Variants in AGL observed in about 807,000 individuals in gnomAD.
AGL encodes glycogen debranching enzyme.
A neutral mutation model predicts 199.3 loss-of-function variants in AGL; 128 were observed. The ratio of observed to expected loss-of-function variants is 0.64; its 90% CI spans 0.56 to 0.74. The LOEUF (loss-of-function observed/expected upper bound fraction) is 0.74. AGL is among the 30% of genes least tolerant of loss of function. The pLI, the probability that AGL is intolerant of heterozygous loss-of-function variation, is 0.00. For missense variants in AGL, 1,809 were observed against 1,820.8 expected (o/e 0.99, Z 0.12); for synonymous variants, 584 against 594.7 (o/e 0.98, Z 0.26).
At chr1:99,885,366 A>G (rs1479178903) in intron 20 of AGL, among the ~76,000 whole-genome samples, 1 of 152,182 alleles carries the variant, frequency 6.6e-6, no homozygotes, top group Non-Finnish European at 1.5e-5. Flanking sequence ...AAAACACTTA[A>G]TACAATGCCT....
intron 5 of AGL, 145 bp downstream of exon 5, chr1:99,864,734 CCTT>C (rs775752564): frequency 2.3e-5 from 16 of 707,264 alleles, no homozygotes; most frequent in Non-Finnish European, 3.5e-5. Context: ...GATTAGGTGT[CCTT>C]CTGTTTAAAA....
chr1:99,852,622 C>T (rs956197476), intron 2 of AGL: 10 of 749,590 alleles, frequency 1.3e-5, no homozygotes, highest in South Asian at 2.8e-5. Context: ...GCAACCCTCC[C>T]TCTTTGGCCT....
intron 25 of AGL, among the ~76,000 whole-genome samples, chr1:99,896,682 T>C (rs1480468808): frequency 6.6e-6 from 1 of 152,238 alleles, no homozygotes; most frequent in Non-Finnish European, 1.5e-5. Context: ...ATGCCTTCCA[T>C]AGTGAAGGCA....
intron 2 of AGL, among the ~76,000 whole-genome samples, chr1:99,856,994 C>G (rs989573542): frequency 1.3e-5 from 2 of 152,206 alleles, no homozygotes; most frequent in African/African-American, 4.8e-5. Flanking sequence ...CAGAGGGGCT[C>G]CTCACTTCCC....
chr1:99,916,734 A>G lies in AGL; in HGVS notation c.4481+3A>G. 1.2e-6 allele frequency: 2 copies of G among 1,612,922 alleles called. No individual in the cohort carries two copies. Among genetic ancestry groups the G allele is most frequent in the Non-Finnish European group, 1.7e-6 (2 of 1,179,156 alleles). On this transcript the variant is annotated splice_donor_region_variant and intron_variant, in intron 33 of 33. Coordinates refer to ENST00000361915, the MANE Select transcript of AGL (RefSeq NM_000642.3). Reference sequence around the variant, plus strand: ...CGACATTATGTTCATCTTGAGAGGTAAGTCATCAGGAGCATGTAATTTCCA... The same window carrying G: ...CGACATTATGTTCATCTTGAGAGGTGAGTCATCAGGAGCATGTAATTTCCA...
At chr1:99,884,009 A>C in intron 17 of AGL, 111 bp from the exon 18 acceptor site, 1 of 888,742 alleles carries the variant, frequency 1.1e-6, no homozygotes, top group Non-Finnish European at 1.8e-6. Flanking sequence ...AAAAAAAGTA[A>C]CTGATAATTT....
rs911820739 is a variant in AGL, at chr1:99,891,447, C to A, written c.2949+91C>A. 4 of 1,536,962 alleles carry A rather than the reference C, an allele frequency of 2.6e-6. No individual in the cohort carries two copies. The Admixed American group carries it at 5.1e-5, about 20-fold the overall frequency. On this transcript the variant is annotated intron_variant, in intron 22 of 33. Transcript: ENST00000361915. ...TATAATATTTACATTGTTTTCTAAC[C>A]TGAACCATTTTCCTCCTTCCTTCAT...
At chr1:99,859,704 C>G (rs757600541) in intron 2 of AGL, among the ~76,000 whole-genome samples, 18 of 151,998 alleles carry the variant, frequency 1.2e-4, no homozygotes, top group Non-Finnish European at 2.4e-4. Flanking sequence ...ACCACCACAC[C>G]CAGCTATTTT....
At chr1:99,914,481 A>G (rs3766599) in intron 30 of AGL, among the ~76,000 whole-genome samples, 59,507 of 152,156 alleles carry the variant, frequency 0.39, 12,420 homozygotes, top group East Asian at 0.56. Flanking sequence ...GTGTTCTTCT[A>G]TGCCTGGCTA....
At chr1:99,851,845 A>C (rs1648975083) in intron 2 of AGL, among the ~76,000 whole-genome samples, 1 of 152,236 alleles carries the variant, frequency 6.6e-6, no homozygotes, top group Non-Finnish European at 1.5e-5. Context: ...GCTAGTCATA[A>C]ACATTTCAAA....
chr1:99,887,915 T>G, intron 20 of AGL, 63 bp from the exon 21 acceptor site: 4 of 1,580,946 alleles, frequency 2.5e-6, no homozygotes, highest in Non-Finnish European at 3.5e-6. Context: ...ATTTTCTTCT[T>G]TTGTTTCTAT....
intron 20 of AGL, among the ~76,000 whole-genome samples, chr1:99,886,294 A>AG (rs1370129060): frequency 3.3e-5 from 5 of 152,070 alleles, no homozygotes; most frequent in Admixed American, 3.3e-4. Flanking sequence ...TGGGCAACAT[A>AG]GTGAGACCCT....
At chr1:99,914,679 G>A (rs1276780834) in intron 30 of AGL, among the ~76,000 whole-genome samples, 1 of 152,150 alleles carries the variant, frequency 6.6e-6, no homozygotes, top group East Asian at 1.9e-4. Flanking sequence ...TGCTATTGGA[G>A]TAAAAGTTCT....
chr1:99,862,253 T>G lies in AGL; in HGVS notation c.294-4T>G. 1 of 1,614,028 alleles carries G rather than the reference T, an allele frequency of 6.2e-7. No individual in the cohort carries two copies. Among genetic ancestry groups the G allele is most frequent in the South Asian group, 1.1e-5 (1 of 91,076 alleles). The stretch of plus-strand genomic sequence containing the variant: ...AAAAGTTTTTGTTTTGTTTTTTCCC[T>G]TAGAAATGAGAAAAGTGGTGGAGGT... On this transcript the variant is annotated splice_region_variant and splice_polypyrimidine_tract_variant and intron_variant, in intron 3 of 33. Transcript: ENST00000361915.
intron 17 of AGL, 89 bp downstream of exon 17, chr1:99,881,780 A>G: frequency 1.7e-6 from 2 of 1,177,746 alleles, no homozygotes; most frequent in Admixed American, 4.6e-5. Context: ...TCATGTATAT[A>G]TCATATATAT....
intron 27 of AGL, 97 bp downstream of exon 27, chr1:99,902,891 C>G (rs1007953742): frequency 3.4e-6 from 3 of 892,604 alleles, no homozygotes; most frequent in Non-Finnish European, 5.4e-6. Context: ...CCAAACCTCA[C>G]GATATAATGA....
upstream of AGL, among the ~76,000 whole-genome samples, chr1:99,849,567 C>T (rs775906632): frequency 2.0e-5 from 3 of 152,104 alleles, no homozygotes; most frequent in Non-Finnish European, 4.4e-5. Flanking sequence ...TGTTTGCACT[C>T]TCGATGGTTT....
At chr1:99,916,753 A>AT in intron 33 of AGL, 22 bp downstream of exon 33, 1 of 1,609,904 alleles carries the variant, frequency 6.2e-7, no homozygotes, top group Non-Finnish European at 8.5e-7. Flanking sequence ...GGAGCATGTA[A>AT]TTTCCATAAC....
At position 99,912,402 on chromosome 1, in the gene AGL, T is replaced by G; in HGVS notation, c.3837-3T>G. ...AGAATAAAAATACGTTTTTTAATTTTAGAGATGGGTCTGCTGTGGAAATTG... is the reference window on the plus strand; with the variant it reads ...AGAATAAAAATACGTTTTTTAATTTGAGAGATGGGTCTGCTGTGGAAATTG... On this transcript the variant is annotated splice_region_variant and splice_polypyrimidine_tract_variant and intron_variant, in intron 28 of 33. Coordinates refer to ENST00000361915, the MANE Select transcript of AGL (RefSeq NM_000642.3). 6.2e-7 allele frequency: 1 copy of G among 1,613,200 alleles called. No individual in the cohort carries two copies. Among genetic ancestry groups the G allele is most frequent in the Non-Finnish European group, 8.5e-7 (1 of 1,179,294 alleles).
Sources: allele counts gnomAD v4.1 joint callset (sites outside exome capture counted in the v4.1 genomes callset), GRCh38; gene constraint gnomAD v4.1.1; transcripts MANE v1.5; gene names NCBI Gene and HGNC (gene_info 2026-07-23, HGNC 2026-07-21).